The following CNIH3 variants were observed in gnomAD, a reference collection of about 807,000 sequenced individuals.
CNIH3 encodes protein cornichon homolog 3.
Under a neutral mutation model 24.1 loss-of-function variants are expected in CNIH3, and 14 were observed. The ratio of observed to expected loss-of-function variants is 0.58; its 90% CI spans 0.38 to 0.91. The LOEUF (loss-of-function observed/expected upper bound fraction) is 0.91. Ranked by LOEUF, CNIH3 falls within the 40% of genes least tolerant of loss-of-function variation. The pLI is 0.00. For synonymous variants in CNIH3, 68 were observed against 73.8 expected, an observed-to-expected ratio of 0.92 and a Z score of 0.40; for missense variants, 178 against 196.8, an observed-to-expected ratio of 0.90 and a Z score of 0.57.
chr1:224,702,474 G>C (rs1297476474), intron 3 of CNIH3, among the ~76,000 whole-genome samples: 1 of 152,218 alleles, frequency 6.6e-6, no homozygotes, highest in South Asian at 2.1e-4. Flanking sequence ...GAGAGTGTCT[G>C]TTTCCCCACA....
intron 1 of CNIH3, among the ~76,000 whole-genome samples, chr1:224,449,970 C>T (rs1393676273): frequency 6.6e-6 from 1 of 151,940 alleles, no homozygotes; most frequent in Non-Finnish European, 1.5e-5. Flanking sequence ...AACACACACA[C>T]ACACGTATAT....
chr1:224,457,661 G>GT (rs1675736772), intron 1 of CNIH3, among the ~76,000 whole-genome samples: 1 of 151,982 alleles, frequency 6.6e-6, no homozygotes, highest in Admixed American at 6.6e-5. Flanking sequence ...TTCTGTTCTT[G>GT]TAACTTTCCA....
At chr1:224,667,768 C>T (rs570055773) in intron 1 of CNIH3, among the ~76,000 whole-genome samples, 1 of 144,174 alleles carries the variant, frequency 6.9e-6, no homozygotes, top group Admixed American at 7.0e-5. Flanking sequence ...AAAAAAAAAA[C>T]CCATGACTAC....
At position 224,525,378 on chromosome 1, in the gene CNIH3, G is replaced by T. The variant is rs936491744; in HGVS notation, n.343+4051G>T. On this transcript the variant is annotated intron_variant and non_coding_transcript_variant, in intron 2 of 2. Transcript: ENST00000470602. ...GTTGAGTATATTCTTTCATTTCCTT[G>T]CTTTGGCATCCAAGGCTTGGGAGCA... Among the ~76,000 whole-genome samples, 4 of 152,176 alleles carry T rather than the reference G, an allele frequency of 2.6e-5. No homozygotes were observed. The East Asian group carries it at 7.7e-4, about 29-fold the overall frequency.
intron 1 of CNIH3, among the ~76,000 whole-genome samples, chr1:224,618,517 A>G (rs2125062986): frequency 6.6e-6 from 1 of 152,354 alleles, no homozygotes; most frequent in East Asian, 1.9e-4. Context: ...CTTAAAATAG[A>G]ACTAAGCAGC....
At chr1:224,727,171 T>G (rs867239959) in intron 3 of CNIH3, among the ~76,000 whole-genome samples, 1 of 152,124 alleles carries the variant, frequency 6.6e-6, no homozygotes, top group Non-Finnish European at 1.5e-5. Context: ...AGTGGATGGT[T>G]GGGGGAGGAT....
At chr1:224,522,271 A>G (rs977283735) in intron 2 of CNIH3, among the ~76,000 whole-genome samples, 4 of 152,360 alleles carry the variant, frequency 2.6e-5, no homozygotes, top group Admixed American at 6.5e-5. Context: ...ACTGAGAGCC[A>G]GACAACACTG....
intron 3 of CNIH3, among the ~76,000 whole-genome samples, chr1:224,694,792 T>G (rs954799090): frequency 2.0e-5 from 3 of 152,178 alleles, no homozygotes; most frequent in African/African-American, 7.2e-5. Context: ...TTGCGGCAAC[T>G]TGGATGGAAC....
chr1:224,673,261 G>T (rs978940072), intron 1 of CNIH3, among the ~76,000 whole-genome samples: 1 of 152,140 alleles, frequency 6.6e-6, no homozygotes, highest in Non-Finnish European at 1.5e-5. Context: ...CATAAGGGCC[G>T]CATCACCAAT....
chr1:224,623,419 G>A (rs572590089), intron 1 of CNIH3, among the ~76,000 whole-genome samples: 10 of 152,194 alleles, frequency 6.6e-5, no homozygotes, highest in East Asian at 1.9e-4. Flanking sequence ...CCAGGTACCC[G>A]GGAGCTGCTG....
rs747133579 is a variant in CNIH3 at position 224,684,754 on chromosome 1, C to T, written c.151-42C>T. The stretch of plus-strand genomic sequence containing the variant: ...CCTTCTCATGCTATTTTAGCAGAAC[C>T]CCTAACCTCCCCTCTCATTTCTTTC... On this transcript the variant is annotated intron_variant, in intron 2 of 5. Coordinates refer to ENST00000272133, the MANE Select transcript of CNIH3 (RefSeq NM_152495.2). The surrounding 1 kb of genome is among the most constrained non-coding windows in gnomAD (Gnocchi z 4.2). The T allele has an allele frequency of 1.3e-5, 21 of 1,587,134 alleles. No homozygotes were observed. Among genetic ancestry groups the T allele is most frequent in the African/African-American group, 2.7e-5 (2 of 74,138 alleles).
intron 1 of CNIH3, among the ~76,000 whole-genome samples, chr1:224,628,975 C>T (rs1467926294): frequency 6.6e-6 from 1 of 151,426 alleles, no homozygotes; most frequent in African/African-American, 2.4e-5. Flanking sequence ...AGTTGTCCCG[C>T]CTTTCTGGAC....
chr1:224,586,733 T>A (rs185074791), intron 5 of CNIH3, among the ~76,000 whole-genome samples: 94 of 152,302 alleles, frequency 6.2e-4, no homozygotes, highest in African/African-American at 2.0e-3. Context: ...AATCTTGAGA[T>A]AAAATCATCC....
chr1:224,560,156 G>C (rs1336745092), intron 3 of CNIH3, among the ~76,000 whole-genome samples: 2 of 152,092 alleles, frequency 1.3e-5, no homozygotes, highest in Non-Finnish European at 2.9e-5. Flanking sequence ...TAATAATAGT[G>C]AGTAATGCTG....
upstream of CNIH3, among the ~76,000 whole-genome samples, chr1:224,513,371 G>A (rs1253276831): frequency 7.2e-6 from 1 of 139,088 alleles, no homozygotes; most frequent in East Asian, 2.3e-4. Flanking sequence ...GGAGGGGGGG[G>A]GTCTCTCTAT....
chr1:224,649,866 G>A (rs1684786178), intron 1 of CNIH3, among the ~76,000 whole-genome samples: 1 of 152,184 alleles, frequency 6.6e-6, no homozygotes, highest in African/African-American at 2.4e-5. Flanking sequence ...CCAAATCGAG[G>A]AGAATGTGTG....
At chr1:224,657,196 A>G (rs142288763) in intron 1 of CNIH3, among the ~76,000 whole-genome samples, 37 of 152,214 alleles carry the variant, frequency 2.4e-4, no homozygotes, top group African/African-American at 7.5e-4. Flanking sequence ...CAACTCTTAT[A>G]GCCAATTAAA....
chr1:224,601,476 A>C (rs1682207363), intron 3 of CNIH3, among the ~76,000 whole-genome samples: 1 of 152,148 alleles, frequency 6.6e-6, no homozygotes, highest in African/African-American at 2.4e-5. Context: ...CACCAGTTTC[A>C]GGTCTTTTCT....
At chr1:224,481,158 A>G (rs962180820) in intron 1 of CNIH3, among the ~76,000 whole-genome samples, 6 of 152,254 alleles carry the variant, frequency 3.9e-5, no homozygotes, top group African/African-American at 1.2e-4. Flanking sequence ...CCTCCTTATC[A>G]TAACCATCAG....
Sources: gnomAD v4.1 joint callset for allele counts (sites outside exome capture counted in the v4.1 genomes callset) on GRCh38, gnomAD v4.1.1 for gene constraint, Gnocchi (gnomAD v3.1) non-coding constraint, MANE v1.5 for transcripts, NCBI Gene and HGNC (gene_info 2026-07-23, HGNC 2026-07-21) for gene names.